The following TCF4 variants were observed in gnomAD, a reference collection of about 807,000 sequenced individuals.
TCF4 encodes the protein SL3-3 enhancer factor 2.
TCF4 carries 3 observed loss-of-function variants against 82.1 expected under a neutral mutation model. That is an observed-to-expected ratio of 0.04 (90% CI 0.02 to 0.09). The LOEUF (loss-of-function observed/expected upper bound fraction) is 0.09, where lower values mean the gene tolerates loss of function less well. TCF4 is among the 10% of genes least tolerant of loss of function. The pLI is 1.00. For synonymous variants in TCF4, 276 were observed against 309.6 expected (o/e 0.89, Z 1.14); for missense variants, 518 against 852.7 (o/e 0.61, Z 4.89).
chr18:55,403,567 A>T, intron 5 of TCF4, 49 bp from the exon 6 acceptor site: 1 of 1,613,788 alleles, frequency 6.2e-7, no homozygotes, highest in South Asian at 1.1e-5. Flanking sequence ...TTCCTTAAAA[A>T]AAAATCTCCT....
rs2097733400 is a variant in TCF4, at chr18:55,633,536, C to T, written c.196-2148G>A. 6.6e-6 allele frequency among the ~76,000 whole-genome samples: 1 copy of T among 152,142 alleles called. No homozygotes were observed. Among genetic ancestry groups the T allele is most frequent in the Non-Finnish European group, 1.5e-5 (1 of 68,040 alleles). On this transcript the variant is annotated intron_variant, in intron 1 of 20. Coordinates refer to the TCF4 transcript ENST00000398339. This position sits in a 1 kb window ranked among gnomAD's most constrained non-coding sequence, Gnocchi z 4.0. ...CCTATATTCAAGGGGATGGGGGCTC[C>T]ACCTTTTGAAGTTAGTTTTGTTGGA...
At chr18:55,365,806 C>T (rs927147072) in intron 6 of TCF4, among the ~76,000 whole-genome samples, 18 of 152,010 alleles carry the variant, frequency 1.2e-4, no homozygotes, top group Admixed American at 1.0e-3. Flanking sequence ...GCAGGAGAAT[C>T]GCTTGAACTC....
At chr18:55,456,378 A>G (rs2095754476) in intron 5 of TCF4, among the ~76,000 whole-genome samples, 1 of 152,194 alleles carries the variant, frequency 6.6e-6, no homozygotes, top group Non-Finnish European at 1.5e-5. Context: ...CTAGAACCAA[A>G]TACCACAGTA....
chr18:55,501,226 C>T lies in TCF4; in HGVS notation c.146-37089G>A, dbSNP rs115193650. ...CACATTATCACTTAATAAATCAAGC[C>T]ACTCTTAGTATTCATTTTAGCATTT... On this transcript the variant is annotated intron_variant, in intron 3 of 19. Coordinates refer to ENST00000354452, the MANE Select transcript of TCF4 (RefSeq NM_001083962.2). Among the ~76,000 whole-genome samples the T allele has an allele frequency of 6.7e-3, 1,026 of 152,088 alleles. 15 individuals carry two copies. The highest frequency in any genetic ancestry group is 0.024 in the African/African-American group (997 of 41,462).
chr18:55,303,297 A>T lies in TCF4; in HGVS notation c.550-23641T>A, dbSNP rs1296961669. On this transcript the variant is annotated intron_variant, in intron 8 of 19. Transcript: ENST00000354452. ...TACACACCTGACCCAGCTACTGGCA[A>T]TGGGTGCAACTGAGTTTACCTGATG... Among the ~76,000 whole-genome samples the T allele has an allele frequency of 2.0e-5, 3 of 149,134 alleles. No homozygotes were observed. The East Asian group carries it at 5.9e-4, about 29-fold the overall frequency.
At chr18:55,477,587 A>G (rs1282384160) in intron 3 of TCF4, among the ~76,000 whole-genome samples, 1 of 152,178 alleles carries the variant, frequency 6.6e-6, no homozygotes, top group Non-Finnish European at 1.5e-5. Context: ...CTGCAACACC[A>G]TTTCACCACC....
At chr18:55,235,300 A>G (rs1256702903) in intron 15 of TCF4, among the ~76,000 whole-genome samples, 4 of 152,150 alleles carry the variant, frequency 2.6e-5, no homozygotes, top group African/African-American at 9.7e-5. Flanking sequence ...TCAGCTGCTG[A>G]GTTCCAAATC....
rs749607024 is a variant in TCF4 at position 55,261,581 on chromosome 18, A to G, written c.923-48T>C. The G allele has an allele frequency of 6.9e-6, 11 of 1,601,362 alleles. No individual in the cohort carries two copies. The Admixed American group carries it at 1.8e-4, about 27-fold the overall frequency. ...ATGAAAACCAGGCAGTGAGACGTCT[A>G]ACAATTTTCTATTCCTGGTCCATTT... On this transcript the variant is annotated intron_variant, in intron 11 of 19. Coordinates refer to ENST00000354452, the MANE Select transcript of TCF4 (RefSeq NM_001083962.2).
chr18:55,589,697 C>A (rs1012021245), upstream of TCF4: 1 of 1,033,088 alleles, frequency 9.7e-7, no homozygotes, highest in Admixed American at 5.7e-5. Flanking sequence ...TCATCATCCT[C>A]CTCCTCATCA....
chr18:55,481,040 G>A (rs778151108), intron 3 of TCF4, among the ~76,000 whole-genome samples: 1 of 148,978 alleles, frequency 6.7e-6, no homozygotes, highest in Non-Finnish European at 1.5e-5. Context: ...GAAGGCGGAG[G>A]CTGCAGTGAG....
chr18:55,444,775 A>C (rs1159666711), intron 5 of TCF4, among the ~76,000 whole-genome samples: 1 of 152,218 alleles, frequency 6.6e-6, no homozygotes, highest in Non-Finnish European at 1.5e-5. Flanking sequence ...GTCCACCCAC[A>C]GACATGTCAA....
At chr18:55,266,266 C>A (rs2059152347) in intron 11 of TCF4, 1 of 152,196 alleles carries the variant, frequency 6.6e-6, no homozygotes, top group Non-Finnish European at 1.5e-5. Flanking sequence ...TAGCTGGTAT[C>A]TAATAACTTA....
At chr18:55,341,313 T>C (rs1311230319) in intron 8 of TCF4, among the ~76,000 whole-genome samples, 1 of 152,150 alleles carries the variant, frequency 6.6e-6, no homozygotes, top group Admixed American at 6.5e-5. Flanking sequence ...TTTAAGTCTC[T>C]TGAATAAACA....
At chr18:55,394,988 C>A (rs1458839204) in intron 6 of TCF4, among the ~76,000 whole-genome samples, 2 of 152,218 alleles carry the variant, frequency 1.3e-5, no homozygotes, top group African/African-American at 4.8e-5. Flanking sequence ...TCCATTACTT[C>A]AGATTACAGG....
At chr18:55,585,191 A>G in intron 3 of TCF4, 89 bp downstream of exon 3, 1 of 1,218,296 alleles carries the variant, frequency 8.2e-7, no homozygotes, top group Non-Finnish European at 1.2e-6. Flanking sequence ...TGACTTTTTC[A>G]GAACTCTTCA....
intron 5 of TCF4, among the ~76,000 whole-genome samples, chr18:55,409,050 C>T (rs563440905): frequency 1.3e-5 from 2 of 152,254 alleles, no homozygotes; most frequent in South Asian, 4.1e-4. Context: ...CCACCATCTC[C>T]GCACATTAAC....
At position 55,223,198 on chromosome 18, in the gene TCF4, T is replaced by C. The variant is rs1247723606; in HGVS notation, c.*4837A>G. The C allele has an allele frequency of 1.3e-5, 2 of 152,192 alleles. No individual in the cohort carries two copies. Among genetic ancestry groups the C allele is most frequent in the Non-Finnish European group, 2.9e-5 (2 of 68,036 alleles). 9.4% of individuals were successfully genotyped at this position (152,192 alleles called of 1,614,324 possible). A position where few individuals can be genotyped will look rare whatever the true frequency, so the allele number is the denominator to read the frequency against. ...CACACATTAATTATATTCCTTCAAT[T>C]AGTTAATCCTCTAGACAGTTTTCTT... On this transcript the variant is annotated 3_prime_UTR_variant, in exon 20 of 20. Coordinates refer to ENST00000354452, the MANE Select transcript of TCF4 (RefSeq NM_001083962.2).
chr18:55,610,170 A>G (rs977990217), intron 2 of TCF4, among the ~76,000 whole-genome samples: 7 of 152,160 alleles, frequency 4.6e-5, no homozygotes, highest in African/African-American at 1.7e-4. Context: ...TACATGCCAA[A>G]CCCTGACAAA....
At chr18:55,497,533 T>C (rs530728608) in intron 3 of TCF4, among the ~76,000 whole-genome samples, 1 of 152,292 alleles carries the variant, frequency 6.6e-6, no homozygotes, top group African/African-American at 2.4e-5. Context: ...GGCTACAAAT[T>C]ACAAATGATT....
Sources: gnomAD v4.1 joint callset for allele counts (sites outside exome capture counted in the v4.1 genomes callset) on GRCh38, gnomAD v4.1.1 for gene constraint, Gnocchi (gnomAD v3.1) non-coding constraint, MANE v1.5 for transcripts, NCBI Gene and HGNC (gene_info 2026-07-23, HGNC 2026-07-21) for gene names.